Variants in TAF1 observed in about 807,000 individuals in gnomAD.
TAF1 encodes the protein TATA-box binding protein associated factor 1.
In TAF1, 2 loss-of-function variants were observed where a neutral mutation model predicts 138.5. That is an observed-to-expected ratio of 0.01 (90% confidence interval 0.01 to 0.05). TAF1 has a LOEUF of 0.05. TAF1 is among the 10% of genes least tolerant of loss of function. TAF1 has a pLI of 1.00. For synonymous variants in TAF1, 437 were observed against 503.2 expected (o/e 0.87, Z 1.76); for missense variants, 709 against 1,478.0 (o/e 0.48, Z 8.53).
rs1569408327 is a variant in TAF1, at chrX:71,503,306, A to ATATATATATGTG, written c.1367-25227_1367-25226insGTGTATATATAT. Among the ~76,000 whole-genome samples the ATATATATATGTG allele has an allele frequency of 1.2e-3, 117 of 95,515 alleles. 2 individuals carry two copies. The highest frequency in any genetic ancestry group is 4.6e-3 in the African/African-American group (110 of 23,920). The allele number at this position is 95,515 out of a possible 115,157, so 82.9% of individuals were successfully genotyped here. On this transcript the variant is annotated intron_variant and NMD_transcript_variant, in intron 13 of 14. Transcript: ENST00000373775. ...TATATATATATATATGTGTATATAT[A>ATATATATATGTG]TATATATATATATATGTGTGTGTAT...
chrX:71,412,133 T>G (rs1281181875), intron 28 of TAF1, among the ~76,000 whole-genome samples: 2 of 105,949 alleles, frequency 1.9e-5, no homozygotes, highest in Non-Finnish European at 3.9e-5. Context: ...TTTTTTTTTT[T>G]TTTTTTTTTG....
At chrX:71,432,347 AT>A (rs1211000024) in intron 32 of TAF1, among the ~76,000 whole-genome samples, 2 of 111,947 alleles carry the variant, frequency 1.8e-5, no homozygotes, top group African/African-American at 6.5e-5. Flanking sequence ...GAAACAGCAT[AT>A]TTTTTTGCTG....
rs1456916743 is a variant in TAF1 at position 71,424,963 on chromosome X, A to G, written c.4753+725A>G. ...AAAGCAAGCATATATTTTAGTGTGT[A>G]TGTTCTATAAAGATTGCTATTAGCC... is the stretch of plus-strand genomic sequence containing the variant. On this transcript the variant is annotated intron_variant, in intron 32 of 37. Transcript: ENST00000423759. Among the ~76,000 whole-genome samples the G allele has an allele frequency of 4.5e-5, 5 of 111,792 alleles. No individual in the cohort carries two copies. In the East Asian group the frequency reaches 1.1e-3, roughly 25 times the overall value.
At chrX:71,483,517 G>A (rs914275036) in intron 13 of TAF1, among the ~76,000 whole-genome samples, 2 of 106,042 alleles carry the variant, frequency 1.9e-5, no homozygotes, top group African/African-American at 3.4e-5. Context: ...AGAGCAGGAG[G>A]TTGAGGCTGC....
intron 13 of TAF1, among the ~76,000 whole-genome samples, chrX:71,483,780 C>CTCTCTCTCTA (rs1164519184): frequency 2.1e-4 from 8 of 37,572 alleles, no homozygotes; most frequent in South Asian, 4.4e-3. Flanking sequence ...CTCTCTCTCT[C>CTCTCTCTCTA]TATATATATA....
chrX:71,455,430 CT>C (rs1332632422), intron 34 of TAF1, among the ~76,000 whole-genome samples: 1 of 111,740 alleles, frequency 8.9e-6, no homozygotes, highest in Admixed American at 9.5e-5. Flanking sequence ...TAACTGAACC[CT>C]TGAAATACAC....
At chrX:71,515,682 C>T (rs1182851925) in intron 13 of TAF1, among the ~76,000 whole-genome samples, 1 of 111,435 alleles carries the variant, frequency 9.0e-6, no homozygotes. Context: ...TTAGCACTCT[C>T]CCCACTTTTT....
intron 33 of TAF1, among the ~76,000 whole-genome samples, 154 bp from the exon 34 acceptor site, chrX:71,454,587 G>C (rs758501083): frequency 8.1e-5 from 9 of 111,437 alleles, no homozygotes; most frequent in Non-Finnish European, 1.3e-4. Context: ...CGCATCCCCT[G>C]TTTCCTTCCC....
At chrX:71,420,022 C>CT (rs1311886714) in intron 28 of TAF1, 1,652 of 235,139 alleles carry the variant, frequency 7.0e-3, no homozygotes, top group Non-Finnish European at 8.2e-3. Flanking sequence ...TTTTTTAATT[C>CT]TTTTTTTTTT....
chrX:71,511,756 C>T (rs1405701335), intron 13 of TAF1, among the ~76,000 whole-genome samples: 1 of 111,963 alleles, frequency 8.9e-6, no homozygotes, highest in African/African-American at 3.3e-5. Context: ...TGGCTCATGC[C>T]TGTGATCCCG....
At chrX:71,498,093 A>G (rs1275253934) in intron 13 of TAF1, among the ~76,000 whole-genome samples, 1 of 111,758 alleles carries the variant, frequency 8.9e-6, no homozygotes, top group Non-Finnish European at 1.9e-5. Flanking sequence ...CCAAAAGTAA[A>G]TCATCCACAT....
chrX:71,421,325 G>A lies in TAF1; in HGVS notation c.4401G>A (p.Leu1467=). The A allele has an allele frequency of 8.5e-7, 1 of 1,181,141 alleles. No individual in the cohort carries two copies. The highest frequency in any genetic ancestry group is 1.8e-5 in the South Asian group (1 of 56,531). The change falls in exon 29 of 38, where the codon TTG becomes TTA. Residue 1467 remains leucine (L), a synonymous_variant. Transcript: ENST00000423759. ...SATYNGPKHS[L]TQISQSMLDL... ...CCTCTACAGGGCCAAAACACTCATT[G>A]ACTCAGATCTCTCAATCCATGCTGG...
chrX:71,420,971 G>T (rs187852654), intron 28 of TAF1, among the ~76,000 whole-genome samples: 2,391 of 112,441 alleles, frequency 0.021, 27 homozygotes, highest in Middle Eastern at 0.05. Flanking sequence ...AGCCCCAGCC[G>T]CCCGCTGCCG....
intron 3 of TAF1, among the ~76,000 whole-genome samples, chrX:71,373,394 CT>C (rs1441015729): frequency 6.5e-5 from 7 of 108,283 alleles, no homozygotes; most frequent in Non-Finnish European, 1.1e-4. Context: ...TCTTGAACTC[CT>C]GAGCTCAGGC....
In TAF1 at chrX:71,482,335, T is replaced by C. The variant is rs2039086017; in HGVS notation, c.1366+21532T>C. ...AGACAAAGCATGATTCATATTGGGG[T>C]TGGGCATATTTCTTCCCTGCACATA... On this transcript the variant is annotated intron_variant and NMD_transcript_variant, in intron 13 of 14. Transcript: ENST00000373775. 2.7e-5 allele frequency among the ~76,000 whole-genome samples: 3 copies of C among 112,213 alleles called. No individual in the cohort carries two copies. In the South Asian group the frequency reaches 1.1e-3, roughly 41 times the overall value.
chrX:71,405,423 T>G (rs2035415463), intron 25 of TAF1, among the ~76,000 whole-genome samples: 1 of 112,247 alleles, frequency 8.9e-6, no homozygotes, highest in Non-Finnish European at 1.9e-5. Flanking sequence ...CAATCTCAGT[T>G]GACTGCAACC....
chrX:71,423,423 C>T (rs2036451367), intron 30 of TAF1, among the ~76,000 whole-genome samples, 184 bp downstream of exon 30: 1 of 109,994 alleles, frequency 9.1e-6, no homozygotes, highest in South Asian at 3.9e-4. Flanking sequence ...TTTAAGAGTA[C>T]ATTATCATTG....
At chrX:71,406,089 G>A (rs947781733) in intron 25 of TAF1, among the ~76,000 whole-genome samples, 1 of 110,423 alleles carries the variant, frequency 9.1e-6, no homozygotes, top group Non-Finnish European at 1.9e-5. Context: ...AGCACTTTGG[G>A]ATGCCAAGGT....
At chrX:71,395,372 G>T (rs1051166684) in intron 22 of TAF1, among the ~76,000 whole-genome samples, 14 of 111,218 alleles carry the variant, frequency 1.3e-4, no homozygotes, top group African/African-American at 4.6e-4. Flanking sequence ...AGATGTGGTG[G>T]CAGGCACCTA....
Sources: allele counts gnomAD v4.1 joint callset (sites outside exome capture counted in the v4.1 genomes callset), GRCh38; gene constraint gnomAD v4.1.1; transcripts MANE v1.5; gene names NCBI Gene and HGNC (gene_info 2026-07-23, HGNC 2026-07-21).